The following MBNL2 variants were observed in gnomAD, a reference collection of about 807,000 sequenced individuals.
The protein encoded by MBNL2 is muscleblind like splicing regulator 2, also known as muscleblind-like protein 2.
Under a neutral mutation model 41.9 loss-of-function variants are expected in MBNL2, and 17 were observed. The ratio of observed to expected loss-of-function variants is 0.41; its 90% CI spans 0.28 to 0.61. The LOEUF is 0.61. Among genes scored for constraint, MBNL2 ranks in the 20% least tolerant of loss-of-function variants. The probability of loss-of-function intolerance (pLI) is 0.35; values close to 1 mark genes in which losing one functional copy is unlikely to be tolerated. For synonymous variants in MBNL2, 195 were observed against 182.9 expected (o/e 1.07, Z -0.53); for missense variants, 336 against 505.6 (o/e 0.66, Z 3.22).
At position 97,382,693 on chromosome 13, in the gene MBNL2, A is replaced by G. The variant is rs553264019; in HGVS notation, c.1049-8629A>G. Among the ~76,000 whole-genome samples, 656 of 110,834 alleles carry G rather than the reference A, an allele frequency of 5.9e-3. 2 individuals carry two copies. The highest frequency in any genetic ancestry group is 9.2e-3 in the Non-Finnish European group (505 of 54,704). The allele number at this position is 110,834 out of a possible 152,430, so 72.7% of individuals were successfully genotyped here. A position where few individuals can be genotyped will look rare whatever the true frequency, so the allele number is the denominator to read the frequency against. On this transcript the variant is annotated intron_variant, in intron 8 of 8. Coordinates refer to ENST00000679496, the MANE Select transcript of MBNL2 (RefSeq NM_001382683.1). ...AACTATTTTTTTTTTTTTTTTTTTG[A>G]AAAGGGTGTCTCACTCTGTCACCGA... is the stretch of plus-strand genomic sequence containing the variant.
chr13:97,262,914 T>C (rs1394313283), intron 1 of MBNL2, among the ~76,000 whole-genome samples: 1 of 152,060 alleles, frequency 6.6e-6, no homozygotes, highest in Non-Finnish European at 1.5e-5. Flanking sequence ...CAGGCATGCA[T>C]CACCACGCCA....
chr13:97,240,935 T>A (rs769737464), intron 1 of MBNL2, among the ~76,000 whole-genome samples: 5 of 152,196 alleles, frequency 3.3e-5, no homozygotes, highest in African/African-American at 4.8e-5. Flanking sequence ...TTCAAGCAGA[T>A]GGTAACTGGC....
intron 1 of MBNL2, among the ~76,000 whole-genome samples, chr13:97,274,368 AC>A (rs1276961197): frequency 6.6e-6 from 1 of 151,792 alleles, no homozygotes; most frequent in Non-Finnish European, 1.5e-5. Flanking sequence ...GTGGTGTCAG[AC>A]ACCTGTAGTC....
chr13:97,285,428 A>C (rs2054230230), intron 2 of MBNL2, among the ~76,000 whole-genome samples: 1 of 152,218 alleles, frequency 6.6e-6, no homozygotes, highest in African/African-American at 2.4e-5. Context: ...TTAACTGAGG[A>C]GCTCATGACC....
chr13:97,388,562 CCT>C (rs1435648708), intron 8 of MBNL2, among the ~76,000 whole-genome samples: 3 of 152,124 alleles, frequency 2.0e-5, no homozygotes, highest in Non-Finnish European at 2.9e-5. Flanking sequence ...TTTCCACTTT[CCT>C]CCTGTCCTGT....
At chr13:97,286,853 C>T (rs747110381) in intron 2 of MBNL2, among the ~76,000 whole-genome samples, 1 of 152,190 alleles carries the variant, frequency 6.6e-6, no homozygotes, top group Non-Finnish European at 1.5e-5. Flanking sequence ...ATTATCTTTA[C>T]GTGACGCTGT....
intron 2 of MBNL2, among the ~76,000 whole-genome samples, chr13:97,308,763 G>T (rs1042346363): frequency 6.6e-6 from 1 of 152,166 alleles, no homozygotes; most frequent in East Asian, 1.9e-4. Context: ...CACTTTGGGG[G>T]AGTTGAGAAA....
At chr13:97,292,846 G>A (rs1216773470) in intron 2 of MBNL2, among the ~76,000 whole-genome samples, 1 of 151,208 alleles carries the variant, frequency 6.6e-6, no homozygotes. Context: ...ATTTCACCAA[G>A]ATTTTCAATT....
rs1377312515 is a variant in MBNL2, at chr13:97,230,644, GAAAAATAAATA to G, written c.-605+8114_-605+8124del. Among the ~76,000 whole-genome samples the G allele has an allele frequency of 2.6e-5, 4 of 152,158 alleles. No individual in the cohort carries two copies. In the East Asian group the frequency reaches 7.7e-4, roughly 29 times the overall value. Reference sequence around the variant, plus strand: ...GAGAATAAGAGCTAGCAAAGAATCAGAAAAATAAATACCCACAAAGGAGCAAAATTGTTTTT... The same window carrying G: ...GAGAATAAGAGCTAGCAAAGAATCAGCCCACAAAGGAGCAAAATTGTTTTT... On this transcript the variant is annotated intron_variant, in intron 1 of 8. Coordinates refer to ENST00000679496, the MANE Select transcript of MBNL2 (RefSeq NM_001382683.1).
intron 8 of MBNL2, among the ~76,000 whole-genome samples, chr13:97,388,334 T>TCA (rs2066105926): frequency 6.7e-6 from 1 of 149,674 alleles, no homozygotes; most frequent in Non-Finnish European, 1.5e-5. Context: ...TATATATATA[T>TCA]ATCATTGGTA....
intron 5 of MBNL2, among the ~76,000 whole-genome samples, chr13:97,347,724 G>A (rs888965103): frequency 1.3e-5 from 2 of 152,126 alleles, no homozygotes; most frequent in African/African-American, 4.8e-5. Flanking sequence ...TGTCATTAGA[G>A]ACCAGCAGTA....
chr13:97,152,590 A>G, the MBNL2 span, among the ~76,000 whole-genome samples: 3 of 152,222 alleles, frequency 2.0e-5, no homozygotes, highest in Admixed American at 6.5e-5. Flanking sequence ...CAGACTTCTC[A>G]ATACCACACT....
chr13:97,366,441 T>C lies in MBNL2; in HGVS notation c.1048+1270T>C, dbSNP rs1356503778. 2 of 1,287,844 alleles carry C rather than the reference T, an allele frequency of 1.6e-6. No individual in the cohort carries two copies. Among genetic ancestry groups the C allele is most frequent in the Admixed American group, 1.7e-5 (1 of 57,948 alleles). 79.8% of individuals were successfully genotyped at this position (1,287,844 alleles called of 1,614,324 possible). The stretch of plus-strand genomic sequence containing the variant: ...TACACCCTCCTGTTCATTGCTCCCA[T>C]GGTTCCCCTCCTGAAAGTACCCATG... On this transcript the variant is annotated intron_variant, in intron 8 of 8. Transcript: ENST00000679496. The surrounding 1 kb of genome is among the most constrained non-coding windows in gnomAD (Gnocchi z 4.7).
At chr13:97,236,130 T>C (rs2043228226) in intron 1 of MBNL2, among the ~76,000 whole-genome samples, 1 of 152,082 alleles carries the variant, frequency 6.6e-6, no homozygotes, top group Non-Finnish European at 1.5e-5. Context: ...TTTACCGACT[T>C]ATTTCCCTCT....
the MBNL2 span, among the ~76,000 whole-genome samples, chr13:97,161,290 C>G: frequency 2.0e-5 from 3 of 152,206 alleles, no homozygotes; most frequent in African/African-American, 7.2e-5. Context: ...ACCACCTCTA[C>G]AAGCTTTGGG....
the MBNL2 span, among the ~76,000 whole-genome samples, chr13:97,166,880 C>T: frequency 7.0e-6 from 1 of 142,678 alleles, no homozygotes; most frequent in African/African-American, 2.6e-5. Context: ...TTCTGTCCCT[C>T]TAGAGAACCT....
chr13:97,242,700 G>A (rs960015982), intron 1 of MBNL2, among the ~76,000 whole-genome samples: 1 of 151,960 alleles, frequency 6.6e-6, no homozygotes, highest in Non-Finnish European at 1.5e-5. Flanking sequence ...GGAGCCCCCC[G>A]GGGTTGGGGA....
chr13:97,379,826 T>C (rs557064888), intron 8 of MBNL2, among the ~76,000 whole-genome samples: 4 of 152,322 alleles, frequency 2.6e-5, no homozygotes, highest in African/African-American at 7.2e-5. Flanking sequence ...GTGGTGATGG[T>C]GGCACAACCA....
intron 1 of MBNL2, among the ~76,000 whole-genome samples, chr13:97,249,139 T>C (rs1200252802): frequency 6.6e-6 from 1 of 152,242 alleles, no homozygotes; most frequent in Non-Finnish European, 1.5e-5. Flanking sequence ...ATGATATGCC[T>C]ACTATATCGT....
Sources: gnomAD v4.1 joint callset for allele counts (sites outside exome capture counted in the v4.1 genomes callset) on GRCh38, gnomAD v4.1.1 for gene constraint, Gnocchi (gnomAD v3.1) non-coding constraint, MANE v1.5 for transcripts, NCBI Gene and HGNC (gene_info 2026-07-23, HGNC 2026-07-21) for gene names.